Variants in PTPRN2 observed in about 807,000 individuals in gnomAD.
The protein encoded by PTPRN2 is protein tyrosine phosphatase receptor type N2.
PTPRN2 carries 74 observed loss-of-function variants against 118.8 expected under a neutral mutation model. The ratio of observed to expected loss-of-function variants is 0.62; its 90% CI spans 0.52 to 0.76. PTPRN2 has a LOEUF of 0.76. Among genes scored for constraint, PTPRN2 ranks in the 30% least tolerant of loss-of-function variants. The pLI is 0.00. For synonymous variants in PTPRN2, 641 were observed against 608.0 expected, an observed-to-expected ratio of 1.05 and a Z score of -0.80; for missense variants, 1,481 against 1,394.4, an observed-to-expected ratio of 1.06 and a Z score of -0.99.
intron 12 of PTPRN2, among the ~76,000 whole-genome samples, chr7:157,711,864 C>T (rs755414099): frequency 1.3e-5 from 2 of 149,824 alleles, no homozygotes; most frequent in Non-Finnish European, 3.0e-5. Context: ...CTAAATCCTT[C>T]GTGGGCCACA....
intron 1 of PTPRN2, among the ~76,000 whole-genome samples, chr7:158,518,908 C>T (rs1586849162): frequency 6.6e-6 from 1 of 152,082 alleles, no homozygotes; most frequent in East Asian, 1.9e-4. Context: ...TCACTTGAAT[C>T]TGGGAGGTGG....
chr7:157,878,306 C>T (rs1795905700), intron 12 of PTPRN2, among the ~76,000 whole-genome samples: 1 of 151,580 alleles, frequency 6.6e-6, no homozygotes, highest in Non-Finnish European at 1.5e-5. Context: ...CACACTTACT[C>T]ACCGAGGAGC....
chr7:158,543,940 G>A (rs1168982854), intron 1 of PTPRN2, among the ~76,000 whole-genome samples: 1 of 152,196 alleles, frequency 6.6e-6, no homozygotes, highest in Non-Finnish European at 1.5e-5. Flanking sequence ...TCCGCACTGT[G>A]GGTGGACTGA....
chr7:158,214,397 T>TAC (rs144370539), intron 3 of PTPRN2, among the ~76,000 whole-genome samples: 24,998 of 145,652 alleles, frequency 0.17, 2,085 homozygotes, highest in Non-Finnish European at 0.2. Context: ...CACCAGCGTG[T>TAC]ACACACACAC....
rs1824695403 is a variant in PTPRN2 at position 158,525,391 on chromosome 7, A to T, written c.113-35606T>A. The stretch of plus-strand genomic sequence containing the variant: ...TGCTAGGCCCCAGGGGCCATGGGCT[A>T]CGCACGGGCCAGGTTTCCAGCCTGC... On this transcript the variant is annotated intron_variant, in intron 1 of 22. Transcript: ENST00000389418. This position sits in a 1 kb window ranked among gnomAD's most constrained non-coding sequence, Gnocchi z 4.1. Among the ~76,000 whole-genome samples, 1 of 152,196 alleles carries T rather than the reference A, an allele frequency of 6.6e-6. No homozygotes were observed. The highest frequency in any genetic ancestry group is 6.5e-5 in the Admixed American group (1 of 15,280).
chr7:157,678,900 G>A (rs1049483938), intron 13 of PTPRN2, among the ~76,000 whole-genome samples: 4 of 152,228 alleles, frequency 2.6e-5, no homozygotes, highest in African/African-American at 9.6e-5. Context: ...AACATTCAAA[G>A]AGACTCCGAG....
At chr7:157,830,640 G>C (rs550011181) in intron 12 of PTPRN2, among the ~76,000 whole-genome samples, 1 of 152,362 alleles carries the variant, frequency 6.6e-6, no homozygotes, top group African/African-American at 2.4e-5. Context: ...GAATCTAGTA[G>C]TGTGGGGCAA....
chr7:157,798,087 C>T (rs886111243), intron 12 of PTPRN2, among the ~76,000 whole-genome samples: 3 of 152,102 alleles, frequency 2.0e-5, no homozygotes, highest in African/African-American at 7.2e-5. Context: ...GGTGAAATCC[C>T]GTCTCTACTA....
In PTPRN2 at chr7:157,539,129, A is replaced by G. The variant is rs1476311784; in HGVS notation, c.*1585T>C. 2.0e-5 allele frequency: 3 copies of G among 152,260 alleles called. No individual in the cohort carries two copies. Among genetic ancestry groups the G allele is most frequent in the African/African-American group, 7.2e-5 (3 of 41,466 alleles). 9.4% of individuals were successfully genotyped at this position (152,260 alleles called of 1,614,324 possible). On this transcript the variant is annotated 3_prime_UTR_variant, in exon 23 of 23. Coordinates refer to ENST00000389418, the MANE Select transcript of PTPRN2 (RefSeq NM_002847.5). ...TCACACCGGAGGTTTCTCTTCAAACATAAGGAGTTAGAAATTACAAGTAGG... is the reference window on the plus strand; with the variant it reads ...TCACACCGGAGGTTTCTCTTCAAACGTAAGGAGTTAGAAATTACAAGTAGG...
intron 11 of PTPRN2, among the ~76,000 whole-genome samples, chr7:157,923,467 A>G (rs6954469): frequency 0.61 from 91,910 of 151,880 alleles, 27,999 homozygotes; most frequent in African/African-American, 0.67. Context: ...AGCACATGTC[A>G]CTACATCACA....
chr7:157,689,400 G>C (rs1180386283), intron 12 of PTPRN2, among the ~76,000 whole-genome samples: 1 of 152,234 alleles, frequency 6.6e-6, no homozygotes, highest in Non-Finnish European at 1.5e-5. Flanking sequence ...GCTGTCCGAG[G>C]ACGGAGGTCG....
intron 4 of PTPRN2, among the ~76,000 whole-genome samples, chr7:158,202,201 T>A (rs1030955650): frequency 2.0e-5 from 3 of 152,122 alleles, no homozygotes; most frequent in Non-Finnish European, 2.9e-5. Flanking sequence ...AGTAGATCAA[T>A]GGTAAAAGAA....
intron 6 of PTPRN2, among the ~76,000 whole-genome samples, chr7:158,146,383 T>C (rs1336670504): frequency 6.6e-6 from 1 of 152,142 alleles, no homozygotes; most frequent in Non-Finnish European, 1.5e-5. Flanking sequence ...CACCAACCTG[T>C]ATTGGGCATC....
chr7:157,853,261 G>C lies in PTPRN2; in HGVS notation c.1788+45412C>G, dbSNP rs543546099. On this transcript the variant is annotated intron_variant, in intron 12 of 22. Coordinates refer to ENST00000389418, the MANE Select transcript of PTPRN2 (RefSeq NM_002847.5). ...GAGACCCAGAGGCTCACGCTCACAT[G>C]ATGACGGCCGAGCCGGGCCTGCAAC... is the stretch of plus-strand genomic sequence containing the variant. 1.6e-3 allele frequency among the ~76,000 whole-genome samples: 241 copies of C among 152,322 alleles called. 1 individual carries two copies. The highest frequency in any genetic ancestry group is 5.4e-3 in the African/African-American group (225 of 41,576).
intron 11 of PTPRN2, among the ~76,000 whole-genome samples, chr7:158,018,290 G>A (rs117811128): frequency 8.5e-4 from 129 of 152,328 alleles, no homozygotes; most frequent in Admixed American, 2.9e-3. Context: ...AGGACAGGAC[G>A]CTGTCTGCAG....
intron 9 of PTPRN2, among the ~76,000 whole-genome samples, chr7:158,131,929 C>T (rs55757155): frequency 0.64 from 97,253 of 150,818 alleles, 31,777 homozygotes; most frequent in African/African-American, 0.74. Context: ...CACATCTACC[C>T]GACACACATA....
chr7:158,435,743 T>TA (rs1816529034), intron 2 of PTPRN2, among the ~76,000 whole-genome samples: 2 of 152,104 alleles, frequency 1.3e-5, no homozygotes, highest in Admixed American at 1.3e-4. Context: ...TACTCAGCCT[T>TA]AAAAAAGAAG....
rs1826191855 is a variant in PTPRN2, at chr7:158,544,825, G to C, written c.112+42733C>G. ...ACTGTCTGGGGCACCTGTTGTCCTG[G>C]GGTTCAAAGCCGCTGCCACCTTCTT... On this transcript the variant is annotated intron_variant, in intron 1 of 22. Coordinates refer to ENST00000389418, the MANE Select transcript of PTPRN2 (RefSeq NM_002847.5). This position sits in a 1 kb window ranked among gnomAD's most constrained non-coding sequence, Gnocchi z 4.2. Among the ~76,000 whole-genome samples, 1 of 152,192 alleles carries C rather than the reference G, an allele frequency of 6.6e-6. No individual in the cohort carries two copies. Among genetic ancestry groups the C allele is most frequent in the African/African-American group, 2.4e-5 (1 of 41,438 alleles).
intron 2 of PTPRN2, among the ~76,000 whole-genome samples, chr7:158,457,675 C>T (rs1447354987): frequency 1.0e-5 from 1 of 100,270 alleles, no homozygotes; most frequent in Non-Finnish European, 2.1e-5. Context: ...CGCTCCAGGG[C>T]GAGCCTGGCC....
Sources: allele counts gnomAD v4.1 joint callset (sites outside exome capture counted in the v4.1 genomes callset), GRCh38; gene constraint gnomAD v4.1.1; non-coding constraint Gnocchi (gnomAD v3.1); transcripts MANE v1.5; gene names NCBI Gene and HGNC (gene_info 2026-07-23, HGNC 2026-07-21).